Variants in PHKA1 observed in about 807,000 individuals in gnomAD.
PHKA1 encodes phosphorylase kinase regulatory subunit alpha 1, also known as phosphorylase b kinase regulatory subunit alpha, skeletal muscle isoform.
Under a neutral mutation model 110.2 loss-of-function variants are expected in PHKA1, and 60 were observed. The ratio of observed to expected loss-of-function variants is 0.54; its 90% CI spans 0.44 to 0.68. PHKA1 has a LOEUF of 0.68. Among genes scored for constraint, PHKA1 ranks in the 30% least tolerant of loss-of-function variants. PHKA1 has a pLI of 0.00. For synonymous variants in PHKA1, 316 were observed against 333.6 expected, an observed-to-expected ratio of 0.95 and a Z score of 0.58; for missense variants, 801 against 942.5, an observed-to-expected ratio of 0.85 and a Z score of 1.97.
At chrX:72,669,995 C>A (rs2053666888) in intron 6 of PHKA1, among the ~76,000 whole-genome samples, 1 of 110,960 alleles carries the variant, frequency 9.0e-6, no homozygotes, top group Non-Finnish European at 1.9e-5. Context: ...ACAGTCCCAC[C>A]AACAGTGTAA....
intron 4 of PHKA1, among the ~76,000 whole-genome samples, chrX:72,693,362 T>C (rs1167593728): frequency 3.6e-5 from 4 of 112,274 alleles, no homozygotes; most frequent in Non-Finnish European, 7.5e-5. Flanking sequence ...AGATTGCCTT[T>C]AGGCTTTAAC....
intron 5 of PHKA1, 21 bp from the exon 6 acceptor site, chrX:72,676,171 T>C: frequency 2.6e-6 from 3 of 1,138,256 alleles, no homozygotes; most frequent in Non-Finnish European, 2.4e-6. Context: ...ATAACCAATA[T>C]ACAATTAGCA....
At chrX:72,623,344 GA>G (rs781843292) in intron 17 of PHKA1, 69 bp from the exon 18 acceptor site, 1 of 854,915 alleles carries the variant, frequency 1.2e-6, no homozygotes, top group East Asian at 3.3e-5. Context: ...CAATCTTAGT[GA>G]TAAAAGGACA....
intron 21 of PHKA1, among the ~76,000 whole-genome samples, chrX:72,612,419 A>G (rs1351510301): frequency 1.8e-5 from 2 of 112,006 alleles, no homozygotes; most frequent in East Asian, 5.6e-4. Context: ...ATGCACAACA[A>G]TGTGAATACA....
intron 1 of PHKA1, among the ~76,000 whole-genome samples, 196 bp downstream of exon 1, chrX:72,713,607 C>T (rs889868621): frequency 9.1e-6 from 1 of 109,391 alleles, no homozygotes; most frequent in Non-Finnish European, 1.9e-5. Context: ...GGCGGGAGAA[C>T]CTGCTACAGA....
At chrX:72,635,083 CAAG>C in intron 16 of PHKA1, 69 bp downstream of exon 16, 1 of 1,133,043 alleles carries the variant, frequency 8.8e-7, no homozygotes, top group Non-Finnish European at 1.2e-6. Context: ...CTAGAAACAA[CAAG>C]ATGTTGAAGG....
intron 2 of PHKA1, among the ~76,000 whole-genome samples, chrX:72,710,741 T>C (rs1165152997): frequency 1.8e-5 from 2 of 112,015 alleles, no homozygotes; most frequent in Non-Finnish European, 3.8e-5. Flanking sequence ...TGAAAAATTA[T>C]TTAATGGAAT....
Position 72,636,296 on chromosome X carries a change from A to C in PHKA1, c.1550T>G (p.Ile517Ser). 6 of 1,186,244 alleles carry C rather than the reference A, an allele frequency of 5.1e-6. No homozygotes were observed. The highest frequency in any genetic ancestry group is 6.9e-6 in the Non-Finnish European group (6 of 872,184). The change falls in exon 15 of 32, where the codon ATC becomes AGC. Residue 517 changes from isoleucine to serine, a missense_variant. Physicochemically the swap from Ile to Ser is moderately radical, Grantham distance 142. Transcript: ENST00000373542. The stretch of plus-strand genomic sequence containing the variant: ...ACCCACCTGTGGAGTGAAAGTAAAG[A>C]TAGTTTTCCGAATGTCATAGAGTTT... Reference protein sequence around the residue: ...TSKLYDIRKTIFTFTPQFIDQ... With the variant: ...TSKLYDIRKTSFTFTPQFIDQ...
At chrX:72,667,998 C>T (rs970827304) in intron 6 of PHKA1, among the ~76,000 whole-genome samples, 11 of 111,353 alleles carry the variant, frequency 9.9e-5, no homozygotes, top group African/African-American at 3.6e-4. Flanking sequence ...TGGTATCCTA[C>T]TTTTTACAAT....
rs1569421177 is a variant in PHKA1 at position 72,581,086 on chromosome X, C to T, written c.3588G>A (p.Arg1196=). The change falls in exon 32 of 32, where the codon AGG becomes AGA. Residue 1196 remains arginine, a synonymous_variant. Transcript: ENST00000373542. The part of the protein sequence containing the change: ...TLLYDSAPSG[R]FGTMTYLSKA... ...TGGAGAGGTAGGTCATGGTGCCAAA[C>T]CTGCCACTGGGTGCACTGTCATACA... The T allele has an allele frequency of 1.7e-6, 2 of 1,204,268 alleles. No homozygotes were observed. The highest frequency in any genetic ancestry group is 1.8e-5 in the South Asian group (1 of 56,786).
intron 4 of PHKA1, among the ~76,000 whole-genome samples, chrX:72,693,418 A>G (rs112284123): frequency 8.9e-6 from 1 of 112,215 alleles, no homozygotes; most frequent in Non-Finnish European, 1.9e-5. Context: ...GGGAAAAGCT[A>G]CAGAGCTTTG....
At chrX:72,653,716 T>C (rs782747197) in intron 10 of PHKA1, among the ~76,000 whole-genome samples, 186 bp from the exon 11 acceptor site, 85 of 112,305 alleles carry the variant, frequency 7.6e-4, no homozygotes, top group African/African-American at 2.7e-3. Context: ...TTGCATACTT[T>C]AATGCATTTA....
At chrX:72,705,122 A>G in intron 3 of PHKA1, 76 bp downstream of exon 3, 1 of 816,170 alleles carries the variant, frequency 1.2e-6, no homozygotes. Flanking sequence ...AATATAAGCT[A>G]TAAACATTCC....
chrX:72,627,015 C>G lies in PHKA1; in HGVS notation c.1749G>C (p.Leu583=), dbSNP rs1556283383. 8 of 1,209,452 alleles carry G rather than the reference C, an allele frequency of 6.6e-6. No homozygotes were observed. Among genetic ancestry groups the G allele is most frequent in the Non-Finnish European group, 9.0e-6 (8 of 893,421 alleles). The stretch of plus-strand genomic sequence containing the variant: ...CATCTTGCATTTTTCGGAGTGCTGC[C>G]AGGATACTTGAATTCAAGCTTGTTC... ...EDGTSLNSSI[L]AALRKMQDGY... The change falls in exon 17 of 32, where the codon CTG becomes CTC. Residue 583 remains leucine (L), a synonymous_variant. Coordinates refer to ENST00000373542, the MANE Select transcript of PHKA1 (RefSeq NM_002637.4).
chrX:72,667,534 C>T, intron 6 of PHKA1, 61 bp from the exon 7 acceptor site: 1 of 847,807 alleles, frequency 1.2e-6, no homozygotes, highest in Non-Finnish European at 1.7e-6. Context: ...ATTTCTTCTC[C>T]CTATATCCCA....
chrX:72,707,840 C>A (rs1178696803), intron 2 of PHKA1: 1 of 111,067 alleles, frequency 9.0e-6, no homozygotes, highest in Non-Finnish European at 1.9e-5. Context: ...TTTTTAACAT[C>A]TATTATAGGG....
intron 8 of PHKA1, among the ~76,000 whole-genome samples, chrX:72,664,339 A>G (rs1322059730): frequency 8.9e-6 from 1 of 111,783 alleles, no homozygotes; most frequent in African/African-American, 3.2e-5. Flanking sequence ...AAAGAAGGTC[A>G]TTATATAATA....
intron 5 of PHKA1, among the ~76,000 whole-genome samples, chrX:72,681,275 G>A (rs2053859381): frequency 9.7e-6 from 1 of 103,183 alleles, no homozygotes; most frequent in Non-Finnish European, 2.0e-5. Context: ...GAAGTGAGGA[G>A]ACCCTCTGCC....
chrX:72,696,015 G>A (rs782578787), intron 3 of PHKA1, 139 bp from the exon 4 acceptor site: 12 of 545,648 alleles, frequency 2.2e-5, no homozygotes, highest in African/African-American at 1.8e-4. Context: ...TAAAATACTC[G>A]TTACCTGTTT....
Sources: allele counts gnomAD v4.1 joint callset (sites outside exome capture counted in the v4.1 genomes callset), GRCh38; gene constraint gnomAD v4.1.1; transcripts MANE v1.5; gene names NCBI Gene and HGNC (gene_info 2026-07-23, HGNC 2026-07-21).